KYNU: variants seen among roughly 807,000 people sequenced by gnomAD.
KYNU encodes the protein kynureninase, also known as L-kynurenine hydrolase.
KYNU carries 54 observed loss-of-function variants against 59.2 expected under a neutral mutation model. The ratio of observed to expected loss-of-function variants is 0.91; its 90% CI spans 0.73 to 1.14. KYNU has a LOEUF of 1.14. Among genes scored for constraint, KYNU ranks in the 50% most tolerant of loss-of-function variants. The pLI is 0.00. For missense variants in KYNU, 567 were observed against 554.4 expected, an observed-to-expected ratio of 1.02 and a Z score of -0.23; for synonymous variants, 177 against 192.0, an observed-to-expected ratio of 0.92 and a Z score of 0.65.
At chr2:142,924,216 C>T (rs1682978877) in intron 3 of KYNU, among the ~76,000 whole-genome samples, 2 of 152,016 alleles carry the variant, frequency 1.3e-5, no homozygotes, top group African/African-American at 4.8e-5. Flanking sequence ...GCTATCCTCC[C>T]ACCTCAGTCT....
At chr2:142,918,090 T>C (rs1216600705) in intron 2 of KYNU, among the ~76,000 whole-genome samples, 1 of 152,206 alleles carries the variant, frequency 6.6e-6, no homozygotes, top group African/African-American at 2.4e-5. Context: ...ATACATGTGT[T>C]AGTACTATGT....
At chr2:142,994,858 C>T (rs1685499760) in intron 10 of KYNU, among the ~76,000 whole-genome samples, 1 of 152,070 alleles carries the variant, frequency 6.6e-6, no homozygotes, top group South Asian at 2.1e-4. Flanking sequence ...AGCATTTCTA[C>T]TTTGCAAATT....
chr2:142,992,633 TACAC>T (rs930021592), intron 10 of KYNU, among the ~76,000 whole-genome samples: 27 of 151,920 alleles, frequency 1.8e-4, no homozygotes, highest in African/African-American at 6.0e-4. Context: ...TGTGTATACA[TACAC>T]ACACACATAC....
intron 2 of KYNU, among the ~76,000 whole-genome samples, chr2:142,905,764 T>A (rs535863355): frequency 1.4e-4 from 22 of 152,282 alleles, no homozygotes; most frequent in Admixed American, 6.5e-4. Context: ...CATTTGTGGG[T>A]TACTGGGTTA....
intron 2 of KYNU, among the ~76,000 whole-genome samples, chr2:142,908,405 C>T (rs1412640594): frequency 6.6e-6 from 1 of 150,508 alleles, no homozygotes; most frequent in African/African-American, 2.4e-5. Context: ...ATTGAGAAGT[C>T]TGTTTTTTTT....
At chr2:142,925,111 C>G (rs1378029315) in intron 3 of KYNU, among the ~76,000 whole-genome samples, 2 of 152,106 alleles carry the variant, frequency 1.3e-5, no homozygotes, top group Non-Finnish European at 2.9e-5. Context: ...ATTTTACTAC[C>G]TAAATGTAAT....
intron 10 of KYNU, among the ~76,000 whole-genome samples, chr2:143,000,284 C>T (rs530313068): frequency 2.0e-5 from 3 of 152,150 alleles, no homozygotes; most frequent in Admixed American, 1.3e-4. Flanking sequence ...ACTGTTACAT[C>T]GAGATATTAA....
chr2:142,964,813 T>C (rs1276858176), intron 8 of KYNU: 1 of 152,196 alleles, frequency 6.6e-6, no homozygotes, highest in Non-Finnish European at 1.5e-5. Flanking sequence ...AGGCCTGAGA[T>C]TGTAGCAAGT....
At chr2:142,990,711 CT>C (rs1180227501) in intron 10 of KYNU, among the ~76,000 whole-genome samples, 1 of 151,842 alleles carries the variant, frequency 6.6e-6, no homozygotes, top group East Asian at 1.9e-4. Flanking sequence ...CCTTGGGATA[CT>C]TTTCTTCTGA....
intron 3 of KYNU, among the ~76,000 whole-genome samples, chr2:142,927,050 T>C (rs1320388124): frequency 6.6e-6 from 1 of 152,214 alleles, no homozygotes; most frequent in African/African-American, 2.4e-5. Flanking sequence ...GTATTTTGCA[T>C]TTTTCTACTA....
At chr2:142,888,064 GTA>G (rs1335576765) in intron 2 of KYNU, among the ~76,000 whole-genome samples, 1 of 152,148 alleles carries the variant, frequency 6.6e-6, no homozygotes, top group East Asian at 1.9e-4. Flanking sequence ...CCAATAGAAA[GTA>G]ACTGAAGGAT....
intron 10 of KYNU, chr2:142,989,289 G>A (rs1176465270): frequency 1.4e-6 from 1 of 720,344 alleles, no homozygotes; most frequent in African/African-American, 1.9e-5. Flanking sequence ...ACGATTAGCT[G>A]GTTTAACTAT....
chr2:143,037,822 A>G lies in KYNU; in HGVS notation c.1042-2606A>G, dbSNP rs532153728. Reference sequence around the variant, plus strand: ...AATAGAATATTTATGTTACTTCCCTATTATTCTCTCTCAATATTTTTATGT... The same window carrying G: ...AATAGAATATTTATGTTACTTCCCTGTTATTCTCTCTCAATATTTTTATGT... On this transcript the variant is annotated intron_variant, in intron 12 of 13. Coordinates refer to ENST00000264170, the MANE Select transcript of KYNU (RefSeq NM_003937.3). 2.0e-5 allele frequency among the ~76,000 whole-genome samples: 3 copies of G among 152,316 alleles called. No individual in the cohort carries two copies. The South Asian group carries it at 6.2e-4, about 32-fold the overall frequency.
intron 4 of KYNU, among the ~76,000 whole-genome samples, chr2:142,941,720 A>G (rs1010026982): frequency 6.6e-6 from 1 of 152,206 alleles, no homozygotes; most frequent in African/African-American, 2.4e-5. Context: ...CCTGACCCGT[A>G]GGTAATTTAG....
Position 143,042,287 on chromosome 2 carries a change from A to T in KYNU, c.*115A>T. ...TCACCATTGACCACATGTAACTAACAATAAATAATATACCTTACAGAAAAT... is the reference window on the plus strand; with the variant it reads ...TCACCATTGACCACATGTAACTAACTATAAATAATATACCTTACAGAAAAT... On this transcript the variant is annotated 3_prime_UTR_variant, in exon 14 of 14. Transcript: ENST00000264170. 1 of 1,011,728 alleles carries T rather than the reference A, an allele frequency of 9.9e-7. No individual in the cohort carries two copies. The highest frequency in any genetic ancestry group is 1.5e-6 in the Non-Finnish European group (1 of 668,786). 62.7% of individuals were successfully genotyped at this position (1,011,728 alleles called of 1,614,324 possible).
intron 11 of KYNU, among the ~76,000 whole-genome samples, chr2:143,030,801 G>A (rs2104914382): frequency 6.6e-6 from 1 of 150,510 alleles, no homozygotes; most frequent in African/African-American, 2.4e-5. Flanking sequence ...AATATCATAA[G>A]TAAAAAATGC....
At chr2:142,990,825 G>C (rs960261771) in intron 10 of KYNU, among the ~76,000 whole-genome samples, 1 of 151,826 alleles carries the variant, frequency 6.6e-6, no homozygotes, top group Non-Finnish European at 1.5e-5. Flanking sequence ...AGAGGTATTT[G>C]ATTGAAAGTT....
intron 2 of KYNU, among the ~76,000 whole-genome samples, chr2:142,895,637 A>G (rs950349381): frequency 1.3e-5 from 2 of 151,920 alleles, no homozygotes; most frequent in South Asian, 4.1e-4. Context: ...TTTTTTTTTT[A>G]AGATCAGATA....
At chr2:143,015,003 T>C (rs1686209612) in intron 10 of KYNU, among the ~76,000 whole-genome samples, 2 of 152,166 alleles carry the variant, frequency 1.3e-5, no homozygotes, top group Admixed American at 1.3e-4. Flanking sequence ...AAGTGATTCT[T>C]CCACCCTAGT....
Sources: allele counts gnomAD v4.1 joint callset (sites outside exome capture counted in the v4.1 genomes callset), GRCh38; gene constraint gnomAD v4.1.1; transcripts MANE v1.5; gene names NCBI Gene and HGNC (gene_info 2026-07-23, HGNC 2026-07-21).